Variants in SPHKAP observed in about 807,000 individuals in gnomAD.
SPHKAP encodes SPHK1 interactor, AKAP domain containing.
SPHKAP carries 67 observed loss-of-function variants against 137.5 expected under a neutral mutation model. The observed-to-expected ratio is 0.49, with a 90% confidence interval of 0.40 to 0.60. The LOEUF (loss-of-function observed/expected upper bound fraction) is 0.60, where lower values mean the gene tolerates loss of function less well. Among genes scored for constraint, SPHKAP ranks in the 20% least tolerant of loss-of-function variants. The probability of loss-of-function intolerance (pLI) is 0.00; values close to 1 mark genes in which losing one functional copy is unlikely to be tolerated. For synonymous variants in SPHKAP, 813 were observed against 785.3 expected (o/e 1.04, Z -0.59); for missense variants, 2,097 against 2,069.3 (o/e 1.01, Z -0.26).
chr2:228,120,778 C>A (rs1398902337), intron 2 of SPHKAP, among the ~76,000 whole-genome samples: 2 of 152,162 alleles, frequency 1.3e-5, no homozygotes, highest in Admixed American at 6.6e-5. Flanking sequence ...TTGATCAGAG[C>A]TTTATCCATA....
intron 7 of SPHKAP, among the ~76,000 whole-genome samples, chr2:228,010,589 C>A (rs1225310729): frequency 6.6e-6 from 1 of 152,106 alleles, no homozygotes; most frequent in Non-Finnish European, 1.5e-5. Context: ...TCAATAACTT[C>A]ATTGTGAGTA....
In SPHKAP at chr2:228,181,153, G is replaced by A. The variant is rs553446972; in HGVS notation, c.32+414C>T. 9.5e-4 allele frequency among the ~76,000 whole-genome samples: 144 copies of A among 152,274 alleles called. 1 individual carries two copies. Among genetic ancestry groups the A allele is most frequent in the African/African-American group, 3.4e-3 (141 of 41,566 alleles). On this transcript the variant is annotated intron_variant, in intron 1 of 11. Transcript: ENST00000392056. The surrounding 1 kb of genome is among the most constrained non-coding windows in gnomAD (Gnocchi z 4.3). ...GCCCAGGTCAAGGTGGAAGGAAAGC[G>A]GGGGTACTTTGCCCTAGCCCGGTTC...
intron 3 of SPHKAP, among the ~76,000 whole-genome samples, chr2:228,057,271 A>G (rs1696480597): frequency 6.6e-6 from 1 of 152,214 alleles, no homozygotes; most frequent in South Asian, 2.1e-4. Flanking sequence ...TGAACTGAAA[A>G]TGCCTTGACA....
chr2:228,158,794 C>T (rs1230736974), intron 1 of SPHKAP, among the ~76,000 whole-genome samples: 1 of 152,166 alleles, frequency 6.6e-6, no homozygotes, highest in Admixed American at 6.5e-5. Flanking sequence ...TCTGCTCTGC[C>T]TTTCCCTAGG....
intron 3 of SPHKAP, among the ~76,000 whole-genome samples, chr2:228,031,862 T>C (rs988974831): frequency 2.6e-5 from 4 of 152,054 alleles, no homozygotes; most frequent in African/African-American, 9.7e-5. Flanking sequence ...AGAAAGGACA[T>C]CCACACCAAA....
At chr2:228,011,512 C>G (rs1694368522) in intron 7 of SPHKAP, among the ~76,000 whole-genome samples, 1 of 152,158 alleles carries the variant, frequency 6.6e-6, no homozygotes, top group South Asian at 2.1e-4. Context: ...TCTATAATTA[C>G]TATTGTTAAG....
intron 3 of SPHKAP, chr2:228,028,096 TA>T: frequency 4.1e-6 from 4 of 980,752 alleles, no homozygotes; most frequent in Non-Finnish European, 4.8e-6. Context: ...CCCAACATAC[TA>T]AAAAAGTCTG....
intron 1 of SPHKAP, among the ~76,000 whole-genome samples, chr2:228,160,646 A>G (rs1700246639): frequency 1.3e-5 from 2 of 152,336 alleles, no homozygotes; most frequent in Middle Eastern, 3.4e-3. Flanking sequence ...TATGAGAATT[A>G]CAATTCAAGA....
At chr2:228,146,230 T>G (rs1699772585) in intron 1 of SPHKAP, among the ~76,000 whole-genome samples, 1 of 152,152 alleles carries the variant, frequency 6.6e-6, no homozygotes, top group South Asian at 2.1e-4. Flanking sequence ...GTACATTTGT[T>G]ACAACGGATG....
intron 1 of SPHKAP, among the ~76,000 whole-genome samples, chr2:228,151,542 C>A (rs1418717436): frequency 6.6e-6 from 1 of 152,128 alleles, no homozygotes; most frequent in Non-Finnish European, 1.5e-5. Flanking sequence ...AGTTTACAGT[C>A]CCGTTAACAT....
chr2:228,000,001 C>G (rs11680092), intron 7 of SPHKAP, among the ~76,000 whole-genome samples: 79,970 of 152,082 alleles, frequency 0.53, 21,371 homozygotes, highest in South Asian at 0.67. Flanking sequence ...TAGGCTTTGA[C>G]AAATGTATAA....
chr2:228,029,292 G>A (rs537709431), intron 3 of SPHKAP, among the ~76,000 whole-genome samples: 6 of 152,258 alleles, frequency 3.9e-5, no homozygotes, highest in African/African-American at 1.4e-4. Flanking sequence ...AATATATGGG[G>A]CTTTCTGATC....
intron 3 of SPHKAP, among the ~76,000 whole-genome samples, chr2:228,061,736 TAC>T (rs1553536205): frequency 1.7e-4 from 25 of 151,134 alleles, no homozygotes; most frequent in East Asian, 7.7e-4. Flanking sequence ...AATATATATA[TAC>T]ACACACACAC....
intron 1 of SPHKAP, among the ~76,000 whole-genome samples, chr2:228,171,060 G>A (rs1700570248): frequency 6.6e-6 from 1 of 152,090 alleles, no homozygotes; most frequent in Non-Finnish European, 1.5e-5. Context: ...GTGAAATAAG[G>A]AGGTGAGAAA....
At chr2:228,035,464 A>G (rs1267868717) in intron 3 of SPHKAP, among the ~76,000 whole-genome samples, 3 of 152,108 alleles carry the variant, frequency 2.0e-5, no homozygotes, top group Non-Finnish European at 4.4e-5. Flanking sequence ...GCCCAAGGTA[A>G]TTTATAGATT....
intron 1 of SPHKAP, among the ~76,000 whole-genome samples, chr2:228,143,790 G>A (rs958387111): frequency 1.3e-5 from 2 of 151,394 alleles, no homozygotes; most frequent in African/African-American, 2.4e-5. Flanking sequence ...ACAAGCGTGA[G>A]CCACCATGCC....
At chr2:227,989,450 A>G (rs1574711608) in intron 11 of SPHKAP, among the ~76,000 whole-genome samples, 1 of 152,178 alleles carries the variant, frequency 6.6e-6, no homozygotes, top group Non-Finnish European at 1.5e-5. Flanking sequence ...CTTGATAGGC[A>G]GGATCCTAAA....
chr2:228,072,512 G>A (rs894206301), intron 3 of SPHKAP, among the ~76,000 whole-genome samples: 2 of 152,074 alleles, frequency 1.3e-5, no homozygotes, highest in East Asian at 1.9e-4. Flanking sequence ...CCAAATCCGT[G>A]TTTTACAATG....
chr2:228,154,512 C>CTCTCTCTCTCTCTATATATA (rs1393941364), intron 1 of SPHKAP, among the ~76,000 whole-genome samples: 3 of 22,066 alleles, frequency 1.4e-4, no homozygotes, highest in African/African-American at 1.8e-4. Flanking sequence ...CTCTCTCTCT[C>CTCTCTCTCTCTCTATATATA]TATATATATA....
Sources: gnomAD v4.1 joint callset for allele counts (sites outside exome capture counted in the v4.1 genomes callset) on GRCh38, gnomAD v4.1.1 for gene constraint, Gnocchi (gnomAD v3.1) non-coding constraint, MANE v1.5 for transcripts, NCBI Gene and HGNC (gene_info 2026-07-23, HGNC 2026-07-21) for gene names.